The following AP3B1 variants were observed in gnomAD, a reference collection of about 807,000 sequenced individuals.
AP3B1 encodes adaptor related protein complex 3 subunit beta 1.
A neutral mutation model predicts 132.5 loss-of-function variants in AP3B1; 61 were observed. The observed-to-expected ratio is 0.46, with a 90% confidence interval of 0.37 to 0.57. The LOEUF (loss-of-function observed/expected upper bound fraction) is 0.57. Ranked by LOEUF, AP3B1 falls within the 20% of genes least tolerant of loss-of-function variation. AP3B1 has a pLI of 0.00. For synonymous variants in AP3B1, 388 were observed against 438.3 expected, an observed-to-expected ratio of 0.89 and a Z score of 1.43; for missense variants, 1,120 against 1,289.4, an observed-to-expected ratio of 0.87 and a Z score of 2.01.
chr5:78,172,863 T>C lies in AP3B1; in HGVS notation c.1167+2763A>G, dbSNP rs1016570880. 1.1e-4 allele frequency among the ~76,000 whole-genome samples: 16 copies of C among 152,336 alleles called. No individual in the cohort carries two copies. The South Asian group carries it at 3.1e-3, about 30-fold the overall frequency. ...TTTAACTGTGATGTTAGGGTGTCGATTTTAGATCTTTACTGCTTTCTCTTG... is the reference window on the plus strand; with the variant it reads ...TTTAACTGTGATGTTAGGGTGTCGACTTTAGATCTTTACTGCTTTCTCTTG... On this transcript the variant is annotated intron_variant, in intron 11 of 26. Coordinates refer to ENST00000255194, the MANE Select transcript of AP3B1 (RefSeq NM_003664.5).
chr5:78,266,877 G>T (rs1412855114), intron 2 of AP3B1, among the ~76,000 whole-genome samples: 1 of 150,428 alleles, frequency 6.6e-6, no homozygotes, highest in East Asian at 1.9e-4. Context: ...TACTAAAGAT[G>T]GTATATACAA....
intron 1 of AP3B1, among the ~76,000 whole-genome samples, chr5:78,290,325 A>G (rs1461383747): frequency 2.0e-5 from 3 of 152,154 alleles, no homozygotes; most frequent in African/African-American, 7.2e-5. Context: ...GGGTTCAAGC[A>G]ATCCTCCTGC....
chr5:78,202,552 A>AGTGTGT (rs36209977), intron 7 of AP3B1, among the ~76,000 whole-genome samples: 8,681 of 146,016 alleles, frequency 0.059, 295 homozygotes, highest in African/African-American at 0.093. Flanking sequence ...CCATATATTC[A>AGTGTGT]GTGTGTGTGT....
chr5:78,227,853 C>G (rs1746463750), intron 4 of AP3B1, among the ~76,000 whole-genome samples: 1 of 152,062 alleles, frequency 6.6e-6, no homozygotes, highest in African/African-American at 2.4e-5. Flanking sequence ...TGTCTTATAA[C>G]CCCTTTTGCG....
chr5:78,145,570 C>T (rs1469332392), intron 14 of AP3B1, among the ~76,000 whole-genome samples: 2 of 152,170 alleles, frequency 1.3e-5, no homozygotes, highest in African/African-American at 2.4e-5. Context: ...GTTCTGATCC[C>T]ACACTGATGG....
At chr5:78,218,227 T>C (rs1345631581) in intron 6 of AP3B1, among the ~76,000 whole-genome samples, 1 of 152,118 alleles carries the variant, frequency 6.6e-6, no homozygotes, top group Non-Finnish European at 1.5e-5. Flanking sequence ...ATGTTCAATA[T>C]TCTATAAAAT....
chr5:78,122,040 A>G (rs925667634), intron 17 of AP3B1, among the ~76,000 whole-genome samples: 18 of 152,380 alleles, frequency 1.2e-4, no homozygotes, highest in African/African-American at 3.6e-4. Context: ...GGCTGGTTCA[A>G]CATACACAAA....
chr5:78,107,886 G>C (rs1751404855), intron 20 of AP3B1, among the ~76,000 whole-genome samples: 1 of 152,140 alleles, frequency 6.6e-6, no homozygotes, highest in Non-Finnish European at 1.5e-5. Flanking sequence ...TGTTAAAACT[G>C]TTGTTTTATA....
intron 11 of AP3B1, among the ~76,000 whole-genome samples, chr5:78,167,596 T>A (rs1580433889): frequency 6.6e-6 from 1 of 151,470 alleles, no homozygotes; most frequent in Admixed American, 6.6e-5. Flanking sequence ...CAAATGCCCA[T>A]CAATCAACAT....
Position 78,267,535 on chromosome 5 carries a change from C to T in AP3B1, c.189G>A (p.Met63Ile). The T allele has an allele frequency of 1.2e-6, 2 of 1,611,018 alleles. No homozygotes were observed. The highest frequency in any genetic ancestry group is 1.7e-6 in the Non-Finnish European group (2 of 1,178,150). The stretch of plus-strand genomic sequence containing the variant: ...TTTTACCTACCCCAACAATCCGCTT[C>T]ATAGCATCCAGTTTAGCAGAATCTT... ...SNKDSAKLDA[M>I]KRIVGMIAKG... is the part of the protein sequence containing the mutation. Residue 63 changes from methionine (M) to isoleucine (I), a missense_variant, in exon 2 of 27, where the codon ATG becomes ATA. Physicochemically the swap from Met to Ile is conservative, Grantham distance 10. Coordinates refer to ENST00000255194, the MANE Select transcript of AP3B1 (RefSeq NM_003664.5).
At chr5:78,204,648 G>T (rs1042405436) in intron 7 of AP3B1, among the ~76,000 whole-genome samples, 1 of 152,138 alleles carries the variant, frequency 6.6e-6, no homozygotes, top group Admixed American at 6.6e-5. Context: ...TAGATAATTT[G>T]TTCTGAGGGA....
In AP3B1 at chr5:78,002,849, G is replaced by T. The variant is rs1486440499; in HGVS notation, c.*53C>A. 10 of 1,606,272 alleles carry T rather than the reference G, an allele frequency of 6.2e-6. No homozygotes were observed. The Admixed American group carries it at 8.3e-5, about 13-fold the overall frequency. On this transcript the variant is annotated 3_prime_UTR_variant, in exon 27 of 27. Coordinates refer to ENST00000255194, the MANE Select transcript of AP3B1 (RefSeq NM_003664.5). ...TTATAAATGAAAGGCAGCAGTAGTG[G>T]ATGCCAGGCACTTTTGTTGTGTGCC...
intron 14 of AP3B1, among the ~76,000 whole-genome samples, chr5:78,141,986 T>G (rs1009963897): frequency 6.6e-6 from 1 of 152,192 alleles, no homozygotes; most frequent in African/African-American, 2.4e-5. Context: ...TTAGGTACTA[T>G]GATTCCAAAT....
At chr5:78,038,648 T>C (rs1747910778) in intron 23 of AP3B1, among the ~76,000 whole-genome samples, 1 of 152,178 alleles carries the variant, frequency 6.6e-6, no homozygotes, top group South Asian at 2.1e-4. Context: ...ACGAGAAGTA[T>C]TGTATTCAGA....
At chr5:78,137,400 C>T (rs947352704) in intron 15 of AP3B1, among the ~76,000 whole-genome samples, 2 of 152,174 alleles carry the variant, frequency 1.3e-5, no homozygotes, top group African/African-American at 4.8e-5. Context: ...TTCTCCCACA[C>T]TGACTCTCTC....
At position 78,074,027 on chromosome 5, in the gene AP3B1, A is replaced by G. The variant is rs1561388565; in HGVS notation, c.2577+15366T>C. On this transcript the variant is annotated intron_variant, in intron 22 of 26. Coordinates refer to ENST00000255194, the MANE Select transcript of AP3B1 (RefSeq NM_003664.5). ...TAGCATCTGATTCAGCGGATTTGTC[A>G]CTGTGGGGAATTTTACTAAAATACT... Among the ~76,000 whole-genome samples the G allele has an allele frequency of 3.3e-5, 5 of 152,196 alleles. No homozygotes were observed. The South Asian group carries it at 1.0e-3, about 31-fold the overall frequency.
chr5:78,264,250 G>A (rs1748226645), intron 2 of AP3B1, among the ~76,000 whole-genome samples: 1 of 152,124 alleles, frequency 6.6e-6, no homozygotes. Flanking sequence ...ATGAAATTAT[G>A]TTTAATTTTT....
At chr5:78,056,449 C>T (rs145243379) in intron 22 of AP3B1, among the ~76,000 whole-genome samples, 1,561 of 152,248 alleles carry the variant, frequency 0.01, 17 homozygotes, top group Admixed American at 0.017. Context: ...TTTCAGCCCA[C>T]GTTAAAACAC....
In AP3B1 at chr5:78,193,770, A is replaced by ATATATT; in HGVS notation, c.787-12109_787-12108insAATATA. ...TATATATATATATATATATATATATATTTTTTTTTTAGACAGAGTCTCGCT... is the reference window on the plus strand; with the variant it reads ...TATATATATATATATATATATATATATATATTTTTTTTTTTTAGACAGAGTCTCGCT... On this transcript the variant is annotated intron_variant, in intron 7 of 26. Coordinates refer to ENST00000255194, the MANE Select transcript of AP3B1 (RefSeq NM_003664.5). Among the ~76,000 whole-genome samples the ATATATT allele has an allele frequency of 3.3e-4, 22 of 67,218 alleles. 1 individual carries two copies. Among genetic ancestry groups the ATATATT allele is most frequent in the Admixed American group, 5.3e-4 (3 of 5,702 alleles). The allele number at this position is 67,218 out of a possible 152,430, so 44.1% of individuals were successfully genotyped here.
Sources: allele counts gnomAD v4.1 joint callset (sites outside exome capture counted in the v4.1 genomes callset), GRCh38; gene constraint gnomAD v4.1.1; transcripts MANE v1.5; gene names NCBI Gene and HGNC (gene_info 2026-07-23, HGNC 2026-07-21).